The following KLHL22 variants were observed in gnomAD, a reference collection of about 807,000 sequenced individuals.
KLHL22 encodes kelch-like protein 22.
In KLHL22, 18 loss-of-function variants were observed where a neutral mutation model predicts 60.7. The observed-to-expected ratio is 0.30, with a 90% CI of 0.20 to 0.44. The LOEUF is 0.44. Among genes scored for constraint, KLHL22 ranks in the 20% least tolerant of loss-of-function variants. KLHL22 has a pLI of 1.00. For missense variants in KLHL22, 596 were observed against 852.3 expected, an observed-to-expected ratio of 0.70 and a Z score of 3.74; for synonymous variants, 355 against 354.5, an observed-to-expected ratio of 1.00 and a Z score of -0.01.
chr22:20,466,556 C>G (rs1052879711), intron 3 of KLHL22, among the ~76,000 whole-genome samples: 9 of 152,118 alleles, frequency 5.9e-5, no homozygotes, highest in African/African-American at 2.2e-4. Flanking sequence ...ACAAACCTGG[C>G]TTTTTCCCCC....
chr22:20,475,805 G>A (rs779736511), intron 2 of KLHL22, among the ~76,000 whole-genome samples: 5 of 152,012 alleles, frequency 3.3e-5, no homozygotes, highest in Non-Finnish European at 5.9e-5. Context: ...CTTGTAATCC[G>A]CCTGCCTTGG....
intron 2 of KLHL22, among the ~76,000 whole-genome samples, chr22:20,486,031 G>A (rs1456176416): frequency 6.6e-6 from 1 of 151,130 alleles, no homozygotes; most frequent in Non-Finnish European, 1.5e-5. Flanking sequence ...AGCCGGGCGT[G>A]GTGGCGCACA....
rs2053091891 is a variant in KLHL22 at position 20,458,059 on chromosome 22, C to T, written c.1113-59G>A. 18 of 1,567,266 alleles carry T rather than the reference C, an allele frequency of 1.1e-5. No individual in the cohort carries two copies. The South Asian group carries it at 1.9e-4, about 16-fold the overall frequency. The stretch of plus-strand genomic sequence containing the variant: ...CTAGGCAGGGAGGCTGCTCCGCAGG[C>T]TTGCACCTCTTGTTCTGGTCCCATT... On this transcript the variant is annotated intron_variant, in intron 4 of 6. Coordinates refer to ENST00000328879, the MANE Select transcript of KLHL22 (RefSeq NM_032775.4).
chr22:20,451,272 A>C (rs978064643), intron 5 of KLHL22: 25 of 1,605,824 alleles, frequency 1.6e-5, no homozygotes, highest in Non-Finnish European at 2.0e-5. Flanking sequence ...ATGTCTCTGG[A>C]GGCTTTGATG....
At chr22:20,477,429 A>C (rs1009801303) in intron 2 of KLHL22, among the ~76,000 whole-genome samples, 2 of 152,080 alleles carry the variant, frequency 1.3e-5, no homozygotes, top group African/African-American at 4.8e-5. Context: ...ATGGGGCAAC[A>C]CAGAAAGACC....
Position 20,465,097 on chromosome 22 carries a change from C to T in KLHL22, c.873G>A (p.Thr291=), listed in dbSNP as rs377532136. The part of the protein sequence containing the change: ...SLQPSLQSPQ[T]ELRSDFQCVV... Reference sequence around the variant, plus strand: ...CGCACTGGAAGTCCGACCGCAGCTCCGTTTGCGGGCTCTGCAGGCTGGGCT... The same window carrying T: ...CGCACTGGAAGTCCGACCGCAGCTCTGTTTGCGGGCTCTGCAGGCTGGGCT... Residue 291 remains threonine (T), a synonymous_variant, in exon 4 of 7, where the codon ACG becomes ACA. Transcript: ENST00000328879. This position sits in a 1 kb window ranked among gnomAD's most constrained non-coding sequence, Gnocchi z 4.9. 94 of 1,613,700 alleles carry T rather than the reference C, an allele frequency of 5.8e-5. No individual in the cohort carries two copies. The highest frequency in any genetic ancestry group is 1.6e-4 in the Middle Eastern group (1 of 6,084).
intron 3 of KLHL22, among the ~76,000 whole-genome samples, chr22:20,470,495 A>C (rs1314982631): frequency 6.6e-6 from 1 of 152,172 alleles, no homozygotes; most frequent in Non-Finnish European, 1.5e-5. Flanking sequence ...AAATAATTTA[A>C]AAATTAGCCA....
chr22:20,442,175 C>T lies in KLHL22; in HGVS notation c.1803G>A (p.Pro601=), dbSNP rs778964417. 35 of 1,563,430 alleles carry T rather than the reference C, an allele frequency of 2.2e-5. No homozygotes were observed. In the East Asian group the frequency reaches 2.7e-4, roughly 12 times the overall value. Reference sequence around the variant, plus strand: ...GGCTGCGGTCAGGGGTCCCGCGGGGCGGCTCAAGGAGCAGGGAGCGGGGCA... The same window carrying T: ...GGCTGCGGTCAGGGGTCCCGCGGGGTGGCTCAAGGAGCAGGGAGCGGGGCA... ...LTLPRSLLLE[P]PRGTPDRSQA... The change falls in exon 7 of 7, where the codon CCG becomes CCA. Residue 601 remains proline (P), a synonymous_variant. Transcript: ENST00000328879.
chr22:20,473,033 A>G (rs1198842527), intron 2 of KLHL22, among the ~76,000 whole-genome samples: 3 of 152,164 alleles, frequency 2.0e-5, no homozygotes, highest in Non-Finnish European at 4.4e-5. Context: ...AGGTCCCCCT[A>G]CCTCTAGGGT....
At chr22:20,451,814 A>G in intron 5 of KLHL22, 2 of 1,604,532 alleles carry the variant, frequency 1.2e-6, no homozygotes, top group South Asian at 2.2e-5. Context: ...TGTGTTCTCC[A>G]CAAGAAGTGA....
At position 20,441,621 on chromosome 22, in the gene KLHL22, C is replaced by T. The variant is rs937616186; in HGVS notation, c.*452G>A. ...TTTTTATCACAGAGCCAGTCCCAGGCGAGCTGATGCATCTCTGCTCCTCTG... is the reference window on the plus strand; with the variant it reads ...TTTTTATCACAGAGCCAGTCCCAGGTGAGCTGATGCATCTCTGCTCCTCTG... On this transcript the variant is annotated 3_prime_UTR_variant, in exon 7 of 7. Coordinates refer to ENST00000328879, the MANE Select transcript of KLHL22 (RefSeq NM_032775.4). The T allele has an allele frequency of 6.6e-5, 12 of 182,168 alleles. No individual in the cohort carries two copies. Among genetic ancestry groups the T allele is most frequent in the South Asian group, 4.0e-4 (2 of 5,056 alleles). 11.3% of individuals were successfully genotyped at this position (182,168 alleles called of 1,614,324 possible).
rs753826336 is a variant in KLHL22 at position 20,471,320 on chromosome 22, G to T, written c.393+30C>A. 1.2e-5 allele frequency: 20 copies of T among 1,604,750 alleles called. No individual in the cohort carries two copies. In the South Asian group the frequency reaches 2.2e-4, roughly 18 times the overall value. On this transcript the variant is annotated intron_variant, in intron 3 of 6. Transcript: ENST00000328879. ...CTCAGGGAACCCCACCTGGGTGTGG[G>T]TCTGCCTTGCTAGATGAGACATGCC...
At chr22:20,458,851 C>T (rs1205086100) in intron 4 of KLHL22, among the ~76,000 whole-genome samples, 3 of 152,210 alleles carry the variant, frequency 2.0e-5, no homozygotes, top group Admixed American at 6.5e-5. Flanking sequence ...CAAGGTCTCC[C>T]TCTCTGGGAA....
chr22:20,442,296 C>T lies in KLHL22; in HGVS notation c.1682G>A (p.Gly561Asp), dbSNP rs765050387. The change falls in exon 7 of 7, where the codon GGC becomes GAC. Residue 561 changes from glycine (G) to aspartate (D), a missense_variant. By Grantham distance (94) the Gly-to-Asp change is moderately conservative. Coordinates refer to ENST00000328879, the MANE Select transcript of KLHL22 (RefSeq NM_032775.4). ...CTCCACATCGTAAATGTGCACGTAG[C>T]CTGTGCGGCTGCCGCGGTTGTGTGA... ...GRSHNRGSRTGYVHIYDVEKD... is the reference protein window; with the variant it reads ...GRSHNRGSRTDYVHIYDVEKD... 1 of 1,613,868 alleles carries T rather than the reference C, an allele frequency of 6.2e-7. No individual in the cohort carries two copies. Among genetic ancestry groups the T allele is most frequent in the African/African-American group, 1.3e-5 (1 of 74,942 alleles).
At chr22:20,451,464 T>C (rs117672502) in intron 5 of KLHL22, 14 of 1,601,774 alleles carry the variant, frequency 8.7e-6, no homozygotes, top group Non-Finnish European at 1.1e-5. Context: ...ATGACCCTCA[T>C]ACAGGACACT....
intron 2 of KLHL22, among the ~76,000 whole-genome samples, chr22:20,477,191 G>C (rs537054306): frequency 2.0e-5 from 3 of 151,264 alleles, no homozygotes; most frequent in Admixed American, 6.6e-5. Flanking sequence ...CCAAGAGTTC[G>C]AGACCAGTCT....
At position 20,488,385 on chromosome 22, in the gene KLHL22, A is replaced by G. The variant is rs140362009; in HGVS notation, c.227+600T>C. On this transcript the variant is annotated intron_variant, in intron 2 of 6. Coordinates refer to ENST00000328879, the MANE Select transcript of KLHL22 (RefSeq NM_032775.4). Reference sequence around the variant, plus strand: ...AGGGCAAATGGTGTATTGATCTGCTATCTGTGTACATAAATTTATTCATTT... The same window carrying G: ...AGGGCAAATGGTGTATTGATCTGCTGTCTGTGTACATAAATTTATTCATTT... 2.9e-3 allele frequency: 461 copies of G among 158,834 alleles called. 1 individual carries two copies. Among genetic ancestry groups the G allele is most frequent in the African/African-American group, 0.01 (431 of 41,600 alleles). 9.8% of individuals were successfully genotyped at this position (158,834 alleles called of 1,614,324 possible). A position where few individuals can be genotyped will look rare whatever the true frequency, so the allele number is the denominator to read the frequency against.
chr22:20,450,058 G>T, intron 5 of KLHL22: 1 of 702,246 alleles, frequency 1.4e-6, no homozygotes, highest in South Asian at 1.6e-5. Context: ...GCGCGGCTGT[G>T]TGGGATCAGA....
intron 2 of KLHL22, chr22:20,483,958 G>A (rs1279895059): frequency 2.3e-5 from 16 of 680,926 alleles, no homozygotes; most frequent in Non-Finnish European, 3.8e-5. Context: ...CTGGTGGAGC[G>A]GGACACGAAG....
Sources: allele counts gnomAD v4.1 joint callset (sites outside exome capture counted in the v4.1 genomes callset), GRCh38; gene constraint gnomAD v4.1.1; non-coding constraint Gnocchi (gnomAD v3.1); transcripts MANE v1.5; gene names NCBI Gene and HGNC (gene_info 2026-07-23, HGNC 2026-07-21).